Variants in MOB1B observed in about 807,000 individuals in gnomAD.
MOB1B encodes the protein MOB1 Mps One Binder homolog B.
Under a neutral mutation model 24.4 loss-of-function variants are expected in MOB1B, and 19 were observed. That is an observed-to-expected ratio of 0.78 (90% CI 0.54 to 1.14). The LOEUF is 1.14. Among genes scored for constraint, MOB1B ranks in the 50% most tolerant of loss-of-function variants. The pLI, the probability that MOB1B is intolerant of heterozygous loss-of-function variation, is 0.00. For synonymous variants in MOB1B, 76 were observed against 82.1 expected, an observed-to-expected ratio of 0.93 and a Z score of 0.40; for missense variants, 243 against 259.6, an observed-to-expected ratio of 0.94 and a Z score of 0.44.
Position 70,914,789 on chromosome 4 carries a change from C to T in MOB1B, c.14+12239C>T, listed in dbSNP as rs78905022. Among the ~76,000 whole-genome samples the T allele has an allele frequency of 3.3e-4, 50 of 152,210 alleles. No homozygotes were observed. In the East Asian group the frequency reaches 7.9e-3, roughly 24 times the overall value. The stretch of plus-strand genomic sequence containing the variant: ...CCTGTACTACAGCTGTTCTCTTGAC[C>T]CTGTCTGGCCACCCTCTCTGGCCTG... On this transcript the variant is annotated intron_variant, in intron 1 of 5. Transcript: ENST00000309395.
At chr4:70,943,652 A>C (rs950379680) in intron 1 of MOB1B, among the ~76,000 whole-genome samples, 1 of 152,230 alleles carries the variant, frequency 6.6e-6, no homozygotes, top group Non-Finnish European at 1.5e-5. Flanking sequence ...TAAATTGTCC[A>C]TGGTAATAGA....
intron 1 of MOB1B, among the ~76,000 whole-genome samples, chr4:70,917,305 G>A (rs1560631160): frequency 6.6e-6 from 1 of 152,134 alleles, no homozygotes; most frequent in Non-Finnish European, 1.5e-5. Context: ...AAAAATAAAA[G>A]TACACCCCAT....
At chr4:70,957,246 C>A (rs1262502644) in intron 1 of MOB1B, among the ~76,000 whole-genome samples, 1 of 122,458 alleles carries the variant, frequency 8.2e-6, no homozygotes, top group South Asian at 2.5e-4. Flanking sequence ...GGTGACAGAG[C>A]GAGACTATGT....
chr4:70,926,126 T>C (rs1023426415), intron 1 of MOB1B, among the ~76,000 whole-genome samples: 2 of 152,042 alleles, frequency 1.3e-5, no homozygotes, highest in Admixed American at 1.3e-4. Context: ...GCCGGGACTT[T>C]AGGTGTGTGC....
intron 2 of MOB1B, among the ~76,000 whole-genome samples, chr4:70,964,632 A>C (rs1738439594): frequency 6.6e-6 from 1 of 152,186 alleles, no homozygotes; most frequent in Admixed American, 6.5e-5. Flanking sequence ...AATGCAAAGA[A>C]AGTTAAAAGA....
Position 70,937,944 on chromosome 4 carries a change from C to A in MOB1B, c.15-20930C>A, listed in dbSNP as rs138865785. ...AAATTTCTAGAGTCCTATTTAATTT[C>A]TTCTTTTTTTAATGTGGTGTTCTGT... On this transcript the variant is annotated intron_variant, in intron 1 of 5. Transcript: ENST00000309395. Among the ~76,000 whole-genome samples, 297 of 151,926 alleles carry A rather than the reference C, an allele frequency of 2.0e-3. 1 individual carries two copies. Among genetic ancestry groups the A allele is most frequent in the African/African-American group, 6.9e-3 (284 of 41,440 alleles).
At chr4:70,933,455 A>T (rs1474678462) in intron 1 of MOB1B, among the ~76,000 whole-genome samples, 1 of 152,108 alleles carries the variant, frequency 6.6e-6, no homozygotes, top group African/African-American at 2.4e-5. Context: ...TTTCAAACTT[A>T]AAAAACTTTA....
intron 1 of MOB1B, among the ~76,000 whole-genome samples, chr4:70,920,218 T>TTCC (rs1220901129): frequency 2.0e-5 from 3 of 151,912 alleles, no homozygotes; most frequent in Non-Finnish European, 4.4e-5. Context: ...CCTCTTCCTC[T>TTCC]TCCTCCTCCT....
chr4:70,948,980 C>T (rs1737689640), intron 1 of MOB1B, among the ~76,000 whole-genome samples: 1 of 152,088 alleles, frequency 6.6e-6, no homozygotes, highest in Non-Finnish European at 1.5e-5. Flanking sequence ...TGCAAAGATC[C>T]TGGGTCAAGT....
At chr4:70,975,771 C>T in intron 4 of MOB1B, 2 of 967,602 alleles carry the variant, frequency 2.1e-6, no homozygotes, top group Non-Finnish European at 2.5e-6. Flanking sequence ...TTCTAGGAAC[C>T]ATGGTAAATT....
At chr4:70,904,097 C>G (rs1218851420) in intron 1 of MOB1B, among the ~76,000 whole-genome samples, 1 of 146,274 alleles carries the variant, frequency 6.8e-6, no homozygotes, top group Non-Finnish European at 1.5e-5. Context: ...ATTCTCCTGC[C>G]TCAGCCTCCT....
rs183142751 is a variant in MOB1B at position 70,907,155 on chromosome 4, G to T, written c.14+4605G>T. Among the ~76,000 whole-genome samples the T allele has an allele frequency of 1.3e-3, 195 of 152,290 alleles. 3 individuals are homozygous for T. Among genetic ancestry groups the T allele is most frequent in the Non-Finnish European group, 3.1e-4 (21 of 68,030 alleles). ...CTGTAGAATTTTGGAGCTAGCAGGG[G>T]TCTATTAGTAACATGGCCTACTTAC... On this transcript the variant is annotated intron_variant, in intron 1 of 5. Coordinates refer to ENST00000309395, the MANE Select transcript of MOB1B (RefSeq NM_173468.4).
At chr4:70,903,516 G>T (rs1735606268) in intron 1 of MOB1B, among the ~76,000 whole-genome samples, 3 of 152,152 alleles carry the variant, frequency 2.0e-5, no homozygotes, top group Admixed American at 6.6e-5. Flanking sequence ...AGGCTTCGTT[G>T]TGATGCACTC....
chr4:70,920,734 C>T (rs558556520), intron 1 of MOB1B, among the ~76,000 whole-genome samples: 2 of 152,180 alleles, frequency 1.3e-5, no homozygotes, highest in East Asian at 3.9e-4. Context: ...AACACATTGC[C>T]ATGAATTAAG....
At chr4:70,908,212 T>G (rs1232965077) in intron 1 of MOB1B, among the ~76,000 whole-genome samples, 1 of 151,146 alleles carries the variant, frequency 6.6e-6, no homozygotes, top group Non-Finnish European at 1.5e-5. Flanking sequence ...GTATTTTTAG[T>G]AGAGACAGGG....
chr4:70,936,528 C>T (rs1265557997), intron 1 of MOB1B, among the ~76,000 whole-genome samples: 2 of 152,086 alleles, frequency 1.3e-5, no homozygotes, highest in Non-Finnish European at 2.9e-5. Context: ...TTTGAACAAA[C>T]CTATGTTGGA....
At chr4:70,930,337 C>A (rs1057481718) in intron 1 of MOB1B, among the ~76,000 whole-genome samples, 3 of 152,046 alleles carry the variant, frequency 2.0e-5, no homozygotes, top group Non-Finnish European at 2.9e-5. Context: ...TTTAAAGTTA[C>A]TTTTCACTTA....
At chr4:70,921,391 G>C (rs1277445682) in intron 1 of MOB1B, among the ~76,000 whole-genome samples, 2 of 151,570 alleles carry the variant, frequency 1.3e-5, no homozygotes, top group Non-Finnish European at 2.9e-5. Context: ...TGGCTCCACA[G>C]TAAATCCAGC....
intron 2 of MOB1B, among the ~76,000 whole-genome samples, chr4:70,967,850 G>T (rs1046697627): frequency 1.3e-5 from 2 of 151,642 alleles, no homozygotes; most frequent in African/African-American, 4.8e-5. Context: ...TTTTTTTGAG[G>T]AGGTTTTGCC....
Sources: allele counts gnomAD v4.1 joint callset (sites outside exome capture counted in the v4.1 genomes callset), GRCh38; gene constraint gnomAD v4.1.1; transcripts MANE v1.5; gene names NCBI Gene and HGNC (gene_info 2026-07-23, HGNC 2026-07-21).